Variants in GABRB2 observed in about 807,000 individuals in gnomAD.
GABRB2 encodes the protein gamma-aminobutyric acid type A receptor subunit beta2, also known as gamma-aminobutyric acid receptor subunit beta-2.
A neutral mutation model predicts 54.7 loss-of-function variants in GABRB2; 16 were observed. The observed-to-expected ratio is 0.29, with a 90% CI of 0.20 to 0.44. The LOEUF (loss-of-function observed/expected upper bound fraction) is 0.44. GABRB2 is among the 20% of genes least tolerant of loss of function. GABRB2 has a pLI of 1.00. For synonymous variants in GABRB2, 244 were observed against 233.8 expected (o/e 1.04, Z -0.40); for missense variants, 355 against 644.0 (o/e 0.55, Z 4.86).
At chr5:161,470,111 T>C (rs1043953979) in intron 3 of GABRB2, among the ~76,000 whole-genome samples, 1 of 151,812 alleles carries the variant, frequency 6.6e-6, no homozygotes, top group African/African-American at 2.4e-5. Context: ...CCCTCTTTCC[T>C]GTCTATCCAA....
At chr5:161,527,945 AC>A (rs754131888) in intron 3 of GABRB2, among the ~76,000 whole-genome samples, 1 of 151,780 alleles carries the variant, frequency 6.6e-6, no homozygotes, top group Non-Finnish European at 1.5e-5. Flanking sequence ...CAGTAATCCA[AC>A]TCCTAAGAAT....
intron 3 of GABRB2, among the ~76,000 whole-genome samples, chr5:161,540,657 A>C (rs1305784254): frequency 6.6e-6 from 1 of 152,196 alleles, no homozygotes; most frequent in Non-Finnish European, 1.5e-5. Flanking sequence ...TTCTTAAATA[A>C]GACTTGAAAG....
At chr5:161,438,575 G>A (rs1757375305) in intron 4 of GABRB2, among the ~76,000 whole-genome samples, 2 of 152,136 alleles carry the variant, frequency 1.3e-5, no homozygotes, top group African/African-American at 4.8e-5. Flanking sequence ...ACCAATCCTG[G>A]AGAAAGAGAG....
chr5:161,333,573 T>C (rs1753913787), intron 7 of GABRB2, among the ~76,000 whole-genome samples: 1 of 152,216 alleles, frequency 6.6e-6, no homozygotes, highest in Non-Finnish European at 1.5e-5. Context: ...AATGGCTATT[T>C]CATTCAAAAT....
chr5:161,518,434 C>T (rs1419199450), intron 3 of GABRB2, among the ~76,000 whole-genome samples: 2 of 152,176 alleles, frequency 1.3e-5, no homozygotes, highest in East Asian at 3.9e-4. Flanking sequence ...GTCAGGATTG[C>T]CTTGTAATGT....
At chr5:161,509,009 T>A (rs1289912037) in intron 3 of GABRB2, among the ~76,000 whole-genome samples, 2 of 151,980 alleles carry the variant, frequency 1.3e-5, no homozygotes, top group African/African-American at 4.8e-5. Context: ...GCTCTTTTTT[T>A]AACTAGCAAT....
chr5:161,411,814 T>TTA (rs202054186), intron 4 of GABRB2, among the ~76,000 whole-genome samples: 1,644 of 149,560 alleles, frequency 0.011, 17 homozygotes, highest in African/African-American at 0.03. Context: ...CATTTAGAGT[T>TTA]TATATATATA....
chr5:161,309,613 C>T (rs373907348), intron 9 of GABRB2, among the ~76,000 whole-genome samples: 1 of 151,786 alleles, frequency 6.6e-6, no homozygotes, highest in Admixed American at 6.6e-5. Flanking sequence ...AACCTAAATG[C>T]CCATCAGTGA....
chr5:161,455,146 C>T (rs1201789782), intron 4 of GABRB2, among the ~76,000 whole-genome samples: 1 of 152,174 alleles, frequency 6.6e-6, no homozygotes, highest in Non-Finnish European at 1.5e-5. Context: ...TTCTTGCTAA[C>T]CAAGCACAAA....
intron 5 of GABRB2, among the ~76,000 whole-genome samples, chr5:161,386,970 G>A (rs1200780121): frequency 2.0e-5 from 3 of 152,070 alleles, no homozygotes; most frequent in Non-Finnish European, 4.4e-5. Flanking sequence ...GTACAGAAGA[G>A]TGTGCATAGA....
At chr5:161,386,284 T>C (rs1755628523) in intron 5 of GABRB2, among the ~76,000 whole-genome samples, 1 of 152,134 alleles carries the variant, frequency 6.6e-6, no homozygotes, top group Admixed American at 6.6e-5. Context: ...CAAGAACCAC[T>C]TCAATAATTT....
intron 5 of GABRB2, among the ~76,000 whole-genome samples, chr5:161,395,604 T>C (rs1755972822): frequency 6.6e-6 from 1 of 152,106 alleles, no homozygotes; most frequent in Non-Finnish European, 1.5e-5. Context: ...TACAGGTACT[T>C]TGAGAGAGGG....
At chr5:161,475,032 G>C (rs1758554890) in intron 3 of GABRB2, among the ~76,000 whole-genome samples, 1 of 151,920 alleles carries the variant, frequency 6.6e-6, no homozygotes, top group African/African-American at 2.4e-5. Flanking sequence ...ACACCAGCTG[G>C]AGAGAGGGAG....
chr5:161,489,287 T>C lies in GABRB2; in HGVS notation c.238-29443A>G, dbSNP rs193115007. ...TTATATTTATGTATACAGCTTTTTC[T>C]TAGTAGCCCATGAAAAAAGGCAAGC... On this transcript the variant is annotated intron_variant, in intron 3 of 9. Coordinates refer to ENST00000393959, the MANE Select transcript of GABRB2 (RefSeq NM_001371727.1). Among the ~76,000 whole-genome samples, 24 of 151,736 alleles carry C rather than the reference T, an allele frequency of 1.6e-4. No individual in the cohort carries two copies. In the East Asian group the frequency reaches 4.5e-3, roughly 28 times the overall value.
At chr5:161,324,811 TTAGAATTCATATTTCAATG>T (rs1446482864) in intron 9 of GABRB2, among the ~76,000 whole-genome samples, 1 of 152,098 alleles carries the variant, frequency 6.6e-6, no homozygotes, top group Non-Finnish European at 1.5e-5. Flanking sequence ...ACAAAAGACG[TTAGAATTCATATTTCAATG>T]TAGAATTCAT....
At position 161,334,924 on chromosome 5, in the gene GABRB2, ACAT is replaced by A; in HGVS notation, c.680-23_680-21del. On this transcript the variant is annotated intron_variant, in intron 6 of 9. Transcript: ENST00000393959. ...AGGAACCTAGAAAGGCAATTTTAGA[ACAT>A]CATCATTATCAATCAATATTTATAG... 2 of 1,611,220 alleles carry A rather than the reference ACAT, an allele frequency of 1.2e-6. No homozygotes were observed. Among genetic ancestry groups the A allele is most frequent in the South Asian group, 2.2e-5 (2 of 90,920 alleles).
At chr5:161,537,848 C>G (rs2113469774) in intron 3 of GABRB2, among the ~76,000 whole-genome samples, 1 of 152,178 alleles carries the variant, frequency 6.6e-6, no homozygotes, top group East Asian at 1.9e-4. Flanking sequence ...CCAAATCTAC[C>G]CTTTCCTCAC....
chr5:161,488,313 T>C (rs1407437372), intron 3 of GABRB2, among the ~76,000 whole-genome samples: 1 of 151,568 alleles, frequency 6.6e-6, no homozygotes, highest in South Asian at 2.1e-4. Flanking sequence ...CATACTGATA[T>C]GGACATTTAG....
At chr5:161,536,937 C>T (rs1232715879) in intron 3 of GABRB2, among the ~76,000 whole-genome samples, 3 of 152,024 alleles carry the variant, frequency 2.0e-5, no homozygotes, top group Admixed American at 2.0e-4. Context: ...CTCCCTACAT[C>T]CCTTCAGAAC....
Sources: gnomAD v4.1 joint callset for allele counts (sites outside exome capture counted in the v4.1 genomes callset) on GRCh38, gnomAD v4.1.1 for gene constraint, MANE v1.5 for transcripts, NCBI Gene and HGNC (gene_info 2026-07-23, HGNC 2026-07-21) for gene names.